RIF1: variants seen among roughly 807,000 people sequenced by gnomAD.
RIF1 encodes the protein replication timing regulatory factor 1.
A neutral mutation model predicts 247.1 loss-of-function variants in RIF1; 45 were observed. The ratio of observed to expected loss-of-function variants is 0.18; its 90% CI spans 0.14 to 0.23. RIF1 has a LOEUF of 0.23. Among genes scored for constraint, RIF1 ranks in the 10% least tolerant of loss-of-function variants. The pLI, the probability that RIF1 is intolerant of heterozygous loss-of-function variation, is 1.00. For missense variants in RIF1, 2,967 were observed against 2,862.5 expected (o/e 1.04, Z -0.83); for synonymous variants, 1,087 against 978.8 (o/e 1.11, Z -2.06).
chr2:151,448,087 A>G lies in RIF1; in HGVS notation c.2244+1512A>G, dbSNP rs149200678. Among the ~76,000 whole-genome samples the G allele has an allele frequency of 2.3e-3, 355 of 151,318 alleles. 9 individuals carry two copies. The East Asian group carries it at 0.046, about 20-fold the overall frequency. On this transcript the variant is annotated intron_variant, in intron 20 of 35. Transcript: ENST00000444746. ...GACAGAGTCTCACAGTGATTGTTGG[A>G]CGACAACCCAGGCTGGAGTGCATTG... is the stretch of plus-strand genomic sequence containing the variant.
At chr2:151,430,199 T>A (rs1417876218) in intron 9 of RIF1, among the ~76,000 whole-genome samples, 1 of 151,976 alleles carries the variant, frequency 6.6e-6, no homozygotes, top group East Asian at 1.9e-4. Flanking sequence ...TTTTTTGTAT[T>A]TTTAGTAGAG....
chr2:151,421,036 A>T (rs933982085), intron 7 of RIF1, among the ~76,000 whole-genome samples: 8 of 152,220 alleles, frequency 5.3e-5, no homozygotes, highest in Non-Finnish European at 1.0e-4. Context: ...ACATAAACTT[A>T]CCTAGTCTCT....
intron 14 of RIF1, among the ~76,000 whole-genome samples, chr2:151,438,982 TAAC>T (rs1227700904): frequency 6.6e-6 from 1 of 152,216 alleles, no homozygotes; most frequent in Non-Finnish European, 1.5e-5. Flanking sequence ...CCCCAGAACT[TAAC>T]TACTGATAAC....
At chr2:151,410,644 GACGCCCGAGT>G in intron 2 of RIF1, 117 bp downstream of exon 2, 1 of 843,878 alleles carries the variant, frequency 1.2e-6, no homozygotes. Context: ...CAAATGTGAG[GACGCCCGAGT>G]CGCGGACGCC....
intron 35 of RIF1, 134 bp from the exon 36 acceptor site, chr2:151,474,723 G>T: frequency 1.6e-6 from 1 of 632,444 alleles, no homozygotes; most frequent in Non-Finnish European, 2.8e-6. Context: ...TTTTTTGTGT[G>T]CTTGTCCTCA....
chr2:151,452,889 T>C (rs555276588), intron 21 of RIF1, among the ~76,000 whole-genome samples: 15 of 152,338 alleles, frequency 9.8e-5, no homozygotes, highest in African/African-American at 3.6e-4. Context: ...TACAAATGTC[T>C]TTTCCACTCC....
Position 151,465,530 on chromosome 2 carries a change from G to C in RIF1, c.6010G>C (p.Asp2004His). ...AGCTGGGGAACTAGATGGAGGAAAT[G>C]ATGTATCTGATCTACACTCATCTGA... ...TAAGELDGGN[D>H]VSDLHSSEET... Residue 2004 changes from aspartate (D) to histidine (H), a missense_variant, in exon 30 of 36, where the codon GAT becomes CAT. Transcript: ENST00000444746. 6.2e-7 allele frequency: 1 copy of C among 1,613,624 alleles called. No homozygotes were observed.
At chr2:151,456,705 C>G in intron 23 of RIF1, 85 bp downstream of exon 23, 1 of 814,272 alleles carries the variant, frequency 1.2e-6, no homozygotes, top group Non-Finnish European at 1.9e-6. Flanking sequence ...CATAATTCTG[C>G]TGATTTTTAA....
chr2:151,448,124 G>C (rs1693640263), intron 20 of RIF1, among the ~76,000 whole-genome samples: 1 of 151,832 alleles, frequency 6.6e-6, no homozygotes. Flanking sequence ...TGCAATATGG[G>C]CTCACTATGA....
intron 21 of RIF1, among the ~76,000 whole-genome samples, chr2:151,452,602 C>T (rs906008517): frequency 2.8e-4 from 43 of 152,122 alleles, no homozygotes; most frequent in Admixed American, 2.1e-3. Flanking sequence ...GCCTGAGTGC[C>T]GTGGAAATAT....
At chr2:151,517,973 G>A in the RIF1 span, among the ~76,000 whole-genome samples, 1 of 152,122 alleles carries the variant, frequency 6.6e-6, no homozygotes, top group African/African-American at 2.4e-5. Flanking sequence ...TTCTCTGTTT[G>A]AAATCTTCCT....
At chr2:151,533,421 T>TCA in the RIF1 span, 1 of 1,495,614 alleles carries the variant, frequency 6.7e-7, no homozygotes, top group South Asian at 1.2e-5. Context: ...ACCTCCTTCT[T>TCA]CACATCCCAT....
chr2:151,520,449 C>T, the RIF1 span, among the ~76,000 whole-genome samples: 2 of 152,062 alleles, frequency 1.3e-5, no homozygotes, highest in Non-Finnish European at 2.9e-5. Flanking sequence ...TTTAGGTAGG[C>T]AGAGGGCTAA....
At chr2:151,468,792 A>G in intron 33 of RIF1, 36 bp downstream of exon 33, 1 of 1,400,654 alleles carries the variant, frequency 7.1e-7, no homozygotes, top group South Asian at 1.2e-5. Context: ...TTATATTCCA[A>G]GATGCCACTT....
intron 9 of RIF1, chr2:151,491,899 G>C: frequency 1.0e-6 from 1 of 986,360 alleles, no homozygotes; most frequent in Non-Finnish European, 1.5e-6. Flanking sequence ...TAGGTTCTGG[G>C]TCATGTCTTT....
chr2:151,431,149 G>A (rs1460578202), intron 9 of RIF1, among the ~76,000 whole-genome samples: 1 of 152,162 alleles, frequency 6.6e-6, no homozygotes, highest in African/African-American at 2.4e-5. Context: ...ATCCATGACT[G>A]ATGCTGTGGA....
intron 30 of RIF1, 84 bp from the exon 31 acceptor site, chr2:151,467,916 T>G: frequency 1.5e-6 from 2 of 1,336,390 alleles, no homozygotes; most frequent in Admixed American, 4.4e-5. Context: ...ATTCTATTTT[T>G]GGGTAACCTC....
chr2:151,426,764 G>A (rs1209985484), intron 8 of RIF1, among the ~76,000 whole-genome samples: 6 of 150,374 alleles, frequency 4.0e-5, no homozygotes, highest in African/African-American at 9.8e-5. Flanking sequence ...CTCCTGCCTC[G>A]GCCTCCCGAG....
rs752633028 is a variant in RIF1 at position 151,435,444 on chromosome 2, G to GT, written c.1078-15dup. ...ACAGTTGTATAGTTTATAGATCGAT[G>GT]TTTTCTTTTACCCCATAGGTTTGTG... On this transcript the variant is annotated intron_variant, in intron 10 of 35. Coordinates refer to ENST00000444746, the MANE Select transcript of RIF1 (RefSeq NM_018151.5). 1 of 1,398,006 alleles carries GT rather than the reference G, an allele frequency of 7.2e-7. No homozygotes were observed. Among genetic ancestry groups the GT allele is most frequent in the South Asian group, 1.2e-5 (1 of 86,308 alleles). The allele number at this position is 1,398,006 out of a possible 1,614,324, so 86.6% of individuals were successfully genotyped here. A position where few individuals can be genotyped will look rare whatever the true frequency, so the allele number is the denominator to read the frequency against.
Sources: allele counts gnomAD v4.1 joint callset (sites outside exome capture counted in the v4.1 genomes callset), GRCh38; gene constraint gnomAD v4.1.1; transcripts MANE v1.5; gene names NCBI Gene and HGNC (gene_info 2026-07-23, HGNC 2026-07-21).